GOLGA4: variants seen among roughly 807,000 people sequenced by gnomAD.
The protein encoded by GOLGA4 is golgin subfamily A member 4.
Under a neutral mutation model 265.9 loss-of-function variants are expected in GOLGA4, and 169 were observed. That is an observed-to-expected ratio of 0.64 (90% CI 0.56 to 0.72). The LOEUF (loss-of-function observed/expected upper bound fraction) is 0.72, where lower values mean the gene tolerates loss of function less well. Among genes scored for constraint, GOLGA4 ranks in the 30% least tolerant of loss-of-function variants. The probability of loss-of-function intolerance (pLI) is 0.00; values close to 1 mark genes in which losing one functional copy is unlikely to be tolerated. For synonymous variants in GOLGA4, 923 were observed against 855.8 expected, an observed-to-expected ratio of 1.08 and a Z score of -1.37; for missense variants, 2,482 against 2,483.4, an observed-to-expected ratio of 1.00 and a Z score of 0.01.
Position 37,319,052 on chromosome 3 carries a change from C to T in GOLGA4, c.1414-11C>T. The T allele has an allele frequency of 2.5e-6, 4 of 1,572,516 alleles. No individual in the cohort carries two copies. Among genetic ancestry groups the T allele is most frequent in the Non-Finnish European group, 2.6e-6 (3 of 1,159,362 alleles). ...GGGTGTCCTTATATTATCTATTTGGCTCATTTTCAGAAATCCTCAGAAGAA... is the reference window on the plus strand; with the variant it reads ...GGGTGTCCTTATATTATCTATTTGGTTCATTTTCAGAAATCCTCAGAAGAA... On this transcript the variant is annotated splice_polypyrimidine_tract_variant and intron_variant, in intron 11 of 23. Transcript: ENST00000361924.
At chr3:37,313,965 A>ATTTT (rs747977743) in intron 10 of GOLGA4, among the ~76,000 whole-genome samples, 4 of 143,394 alleles carry the variant, frequency 2.8e-5, no homozygotes, top group Admixed American at 2.1e-4. Context: ...ACACACATGT[A>ATTTT]TTTTTTTTTT....
chr3:37,263,245 G>C (rs562471308), intron 2 of GOLGA4, among the ~76,000 whole-genome samples: 1 of 152,280 alleles, frequency 6.6e-6, no homozygotes, highest in East Asian at 1.9e-4. Context: ...ATGTATCCTA[G>C]GTATGTAGTA....
chr3:37,321,545 A>G, intron 12 of GOLGA4, 186 bp from the exon 13 acceptor site: 1 of 542,186 alleles, frequency 1.8e-6, no homozygotes, highest in Admixed American at 3.3e-5. Context: ...TGTGGCAATT[A>G]CCCCACTGGA....
At chr3:37,354,210 T>C (rs959799962) in intron 21 of GOLGA4, among the ~76,000 whole-genome samples, 3 of 152,030 alleles carry the variant, frequency 2.0e-5, no homozygotes, top group African/African-American at 7.2e-5. Context: ...TCCACTCTTC[T>C]CCCTTCCCCC....
intron 4 of GOLGA4, among the ~76,000 whole-genome samples, chr3:37,286,404 C>T (rs1026265873): frequency 5.3e-5 from 8 of 151,896 alleles, no homozygotes; most frequent in African/African-American, 1.7e-4. Context: ...CCACCCGCCT[C>T]GGCCTCCCAA....
chr3:37,365,934 T>TA (rs1696719341), intron 23 of GOLGA4, 146 bp from the exon 24 acceptor site: 1 of 570,704 alleles, frequency 1.8e-6, no homozygotes, highest in Admixed American at 3.2e-5. Context: ...CACCCAGCCT[T>TA]ATTTCTGCCT....
chr3:37,362,241 T>A (rs542065464), intron 23 of GOLGA4, among the ~76,000 whole-genome samples: 79 of 107,862 alleles, frequency 7.3e-4, no homozygotes, highest in African/African-American at 2.6e-3. Context: ...TTATTTATTA[T>A]TTTTTTTTTT....
chr3:37,291,978 T>A (rs1205335247), intron 5 of GOLGA4, among the ~76,000 whole-genome samples: 1 of 152,060 alleles, frequency 6.6e-6, no homozygotes, highest in African/African-American at 2.4e-5. Context: ...CGAATAATTA[T>A]CTTAGAAGTT....
Position 37,366,223 on chromosome 3 carries a change from C to A in GOLGA4, c.*177C>A, listed in dbSNP as rs918361251. 2 of 687,482 alleles carry A rather than the reference C, an allele frequency of 2.9e-6. No homozygotes were observed. Among genetic ancestry groups the A allele is most frequent in the Non-Finnish European group, 2.3e-6 (1 of 434,310 alleles). The allele number at this position is 687,482 out of a possible 1,614,324, so 42.6% of individuals were successfully genotyped here. ...AAAAGACCAAGAAAAATCTGGCCCA[C>A]AGATAAGTTGCAGACTGCCTTTAAA... On this transcript the variant is annotated 3_prime_UTR_variant, in exon 24 of 24. Transcript: ENST00000361924.
Position 37,323,784 on chromosome 3 carries a change from T to A in GOLGA4, c.1898T>A (p.Val633Asp), listed in dbSNP as rs146113363. The A allele has an allele frequency of 3.0e-4, 485 of 1,609,478 alleles. 4 individuals carry two copies. The African/African-American group carries it at 5.6e-3, about 19-fold the overall frequency. ...GCCCTTTGGACTGAAAAACTCCAAG[T>A]CTTAAAGCAACAATATCAGACTGAA... The part of the protein sequence containing the change: ...QDALWTEKLQ[V>D]LKQQYQTEME... The change falls in exon 14 of 24, where the codon GTC becomes GAC. Residue 633 changes from valine to aspartate, a missense_variant. Physicochemically the swap from Val to Asp is radical, Grantham distance 152. This residue lies in a region of GOLGA4 where 1,536 missense variants were observed against 1,483.7 expected (regional missense o/e 1.04). Coordinates refer to ENST00000361924, the MANE Select transcript of GOLGA4 (RefSeq NM_002078.5).
At chr3:37,309,416 A>C (rs2096916851) in intron 10 of GOLGA4, among the ~76,000 whole-genome samples, 1 of 151,892 alleles carries the variant, frequency 6.6e-6, no homozygotes, top group African/African-American at 2.4e-5. Context: ...TTAGCTGGGC[A>C]TGGTGGCACA....
chr3:37,316,815 C>T (rs1215676609), intron 11 of GOLGA4, among the ~76,000 whole-genome samples: 3 of 150,400 alleles, frequency 2.0e-5, no homozygotes, highest in African/African-American at 4.9e-5. Context: ...TTTTTCTTTT[C>T]CTTATAGATG....
chr3:37,260,025 C>G (rs2096764937), intron 2 of GOLGA4, among the ~76,000 whole-genome samples: 1 of 151,992 alleles, frequency 6.6e-6, no homozygotes, highest in African/African-American at 2.4e-5. Flanking sequence ...CTTGGATCTT[C>G]TGTAGAGTAT....
chr3:37,281,870 C>A, intron 2 of GOLGA4, 88 bp from the exon 3 acceptor site: 1 of 922,736 alleles, frequency 1.1e-6, no homozygotes, highest in Non-Finnish European at 1.7e-6. Flanking sequence ...CTTGTTAGAA[C>A]TTTTATTAGA....
In GOLGA4 at chr3:37,281,044, C is replaced by A. The variant is rs574877160; in HGVS notation, c.163-914C>A. On this transcript the variant is annotated intron_variant, in intron 2 of 23. Transcript: ENST00000361924. Reference sequence around the variant, plus strand: ...ATTTCACTCCTGGCACCTTTGAGATCTTAGTGACCCGGTTGTTAACTAATG... The same window carrying A: ...ATTTCACTCCTGGCACCTTTGAGATATTAGTGACCCGGTTGTTAACTAATG... Among the ~76,000 whole-genome samples, 7 of 152,320 alleles carry A rather than the reference C, an allele frequency of 4.6e-5. No individual in the cohort carries two copies. The East Asian group carries it at 1.2e-3, about 25-fold the overall frequency.
At chr3:37,287,550 G>C (rs2096853037) in intron 4 of GOLGA4, 1 of 152,186 alleles carries the variant, frequency 6.6e-6, no homozygotes, top group African/African-American at 2.4e-5. Flanking sequence ...TTTAGTTCTA[G>C]CCTCTTTCCT....
chr3:37,364,529 A>G (rs1696596273), intron 23 of GOLGA4, among the ~76,000 whole-genome samples: 1 of 151,410 alleles, frequency 6.6e-6, no homozygotes, highest in South Asian at 2.1e-4. Context: ...GGCGTGAGCC[A>G]CTGCTCCTGG....
chr3:37,351,489 A>G (rs1312502432), intron 21 of GOLGA4, among the ~76,000 whole-genome samples: 1 of 152,132 alleles, frequency 6.6e-6, no homozygotes, highest in Non-Finnish European at 1.5e-5. Flanking sequence ...CGAACAGGGA[A>G]TCCTTTTCAG....
In GOLGA4 at chr3:37,316,213, T is replaced by C. The variant is rs1379377729; in HGVS notation, c.1413+615T>C. ...ATTTTTTTCTGCTTTTTTTTTTTTT[T>C]GCTTGTTTTTCCTCCTGTCATGTTT... On this transcript the variant is annotated intron_variant, in intron 11 of 23. Transcript: ENST00000361924. 3.5e-5 allele frequency among the ~76,000 whole-genome samples: 5 copies of C among 141,332 alleles called. No individual in the cohort carries two copies. The Admixed American group carries it at 3.5e-4, about 10-fold the overall frequency. The allele number at this position is 141,332 out of a possible 152,430, so 92.7% of individuals were successfully genotyped here.
Sources: allele counts gnomAD v4.1 joint callset (sites outside exome capture counted in the v4.1 genomes callset), GRCh38; gene constraint gnomAD v4.1.1; regional missense constraint gnomAD v4.1.1; transcripts MANE v1.5; gene names NCBI Gene and HGNC (gene_info 2026-07-23, HGNC 2026-07-21).